MRPS28: variants seen among roughly 807,000 people sequenced by gnomAD.
MRPS28 encodes mitochondrial ribosomal protein S28.
Under a neutral mutation model 10.8 loss-of-function variants are expected in MRPS28, and 7 were observed. The observed-to-expected ratio is 0.65, with a 90% CI of 0.37 to 1.22. The LOEUF (loss-of-function observed/expected upper bound fraction) is 1.22. MRPS28 is among the 50% of genes most tolerant of loss of function. The probability of loss-of-function intolerance (pLI) is 0.02; values close to 1 mark genes in which losing one functional copy is unlikely to be tolerated. For missense variants in MRPS28, 265 were observed against 232.9 expected, an observed-to-expected ratio of 1.14 and a Z score of -0.90; for synonymous variants, 121 against 93.3, an observed-to-expected ratio of 1.30 and a Z score of -1.71.
At chr8:79,923,363 G>T (rs1320510053) in intron 2 of MRPS28, among the ~76,000 whole-genome samples, 2 of 151,998 alleles carry the variant, frequency 1.3e-5, no homozygotes, top group Non-Finnish European at 2.9e-5. Context: ...CTTTAGGAGT[G>T]GTAAGAATTT....
intron 2 of MRPS28, among the ~76,000 whole-genome samples, chr8:79,921,842 G>A (rs922388993): frequency 2.6e-5 from 4 of 152,128 alleles, no homozygotes; most frequent in African/African-American, 9.7e-5. Context: ...GGTGAGAGAG[G>A]GCATCCCTGT....
At chr8:79,925,375 A>G (rs1810205701) in intron 2 of MRPS28, among the ~76,000 whole-genome samples, 1 of 152,188 alleles carries the variant, frequency 6.6e-6, no homozygotes, top group South Asian at 2.1e-4. Flanking sequence ...GAGACTGTTC[A>G]TATACCAAAA....
At chr8:79,940,528 A>G (rs1380786931) in intron 2 of MRPS28, among the ~76,000 whole-genome samples, 1 of 152,246 alleles carries the variant, frequency 6.6e-6, no homozygotes, top group Non-Finnish European at 1.5e-5. Context: ...ATGATTAAGA[A>G]GTTCTGCCTT....
chr8:80,028,107 C>T (rs1046611673), intron 1 of MRPS28, among the ~76,000 whole-genome samples: 25 of 152,198 alleles, frequency 1.6e-4, no homozygotes, highest in African/African-American at 5.8e-4. Context: ...ATTAAATAAA[C>T]AGTACATTTT....
chr8:79,919,248 G>T, intron 2 of MRPS28, 100 bp from the exon 3 acceptor site: 1 of 924,786 alleles, frequency 1.1e-6, no homozygotes, highest in Non-Finnish European at 1.5e-6. Context: ...ATTTGTGTTA[G>T]CTCAAGATGA....
At chr8:79,941,831 G>T (rs1164433524) in intron 2 of MRPS28, among the ~76,000 whole-genome samples, 1 of 152,176 alleles carries the variant, frequency 6.6e-6, no homozygotes, top group African/African-American at 2.4e-5. Context: ...TTCCACTGCA[G>T]TATCCATCAT....
At chr8:80,018,244 C>T (rs1016255315) in intron 1 of MRPS28, among the ~76,000 whole-genome samples, 2 of 121,824 alleles carry the variant, frequency 1.6e-5, no homozygotes, top group African/African-American at 3.3e-5. Context: ...CGCAGTGAGC[C>T]GAGATCGTGC....
intron 2 of MRPS28, among the ~76,000 whole-genome samples, chr8:79,950,240 G>T (rs1807045943): frequency 6.6e-6 from 1 of 152,056 alleles, no homozygotes; most frequent in Non-Finnish European, 1.5e-5. Flanking sequence ...TTTTTATGGT[G>T]GTGGTAATCT....
intron 2 of MRPS28, among the ~76,000 whole-genome samples, chr8:79,980,765 AAATT>A (rs1161030217): frequency 6.6e-6 from 1 of 152,230 alleles, no homozygotes; most frequent in East Asian, 1.9e-4. Context: ...GGACATTTAA[AAATT>A]ATTTTCTCCA....
chr8:79,988,480 G>A (rs1170047453), intron 2 of MRPS28, among the ~76,000 whole-genome samples: 2 of 150,552 alleles, frequency 1.3e-5, no homozygotes, highest in African/African-American at 4.9e-5. Flanking sequence ...AAACCTAACT[G>A]TGATATATTT....
intron 2 of MRPS28, among the ~76,000 whole-genome samples, chr8:79,982,366 T>A (rs1172476271): frequency 6.6e-6 from 1 of 152,230 alleles, no homozygotes; most frequent in East Asian, 1.9e-4. Flanking sequence ...TGCATTTCCA[T>A]CTGAGGTACT....
chr8:79,920,314 G>A lies in MRPS28; in HGVS notation c.396-1166C>T, dbSNP rs1810055165. On this transcript the variant is annotated intron_variant, in intron 2 of 2. Transcript: ENST00000276585. ...CCTTTGGGTATATACCCAGTAATGA[G>A]ATGGCTGGGTCAAATGGTATTTCTA... 2.0e-5 allele frequency among the ~76,000 whole-genome samples: 3 copies of A among 152,278 alleles called. No homozygotes were observed. In the South Asian group the frequency reaches 6.2e-4, roughly 32 times the overall value.
At position 80,025,584 on chromosome 8, in the gene MRPS28, C is replaced by T. The variant is rs574127422; in HGVS notation, c.213+4452G>A. 5.3e-5 allele frequency among the ~76,000 whole-genome samples: 8 copies of T among 152,226 alleles called. No individual in the cohort carries two copies. In the South Asian group the frequency reaches 1.0e-3, roughly 20 times the overall value. On this transcript the variant is annotated intron_variant, in intron 1 of 2. Coordinates refer to ENST00000276585, the MANE Select transcript of MRPS28 (RefSeq NM_014018.3). ...TATGCTACATCCACACCATGGAATA[C>T]CAAGCAAATATTATGTAATGATAAG...
At chr8:80,029,991 G>T (rs769204053) in intron 1 of MRPS28, 45 bp downstream of exon 1, 18 of 1,598,698 alleles carry the variant, frequency 1.1e-5, no homozygotes, top group South Asian at 2.2e-5. Context: ...CCACCGCGTC[G>T]TTGGCGTAAT....
chr8:79,984,561 A>G (rs1320011125), intron 2 of MRPS28, among the ~76,000 whole-genome samples: 2 of 152,206 alleles, frequency 1.3e-5, no homozygotes, highest in Non-Finnish European at 2.9e-5. Context: ...ATAGGCTCAA[A>G]ATAAAGGGAT....
intron 1 of MRPS28, among the ~76,000 whole-genome samples, chr8:80,016,244 T>C (rs1336552315): frequency 6.6e-6 from 1 of 152,100 alleles, no homozygotes; most frequent in Non-Finnish European, 1.5e-5. Flanking sequence ...TATAGTATCA[T>C]TTTCAAACTA....
intron 1 of MRPS28, among the ~76,000 whole-genome samples, chr8:80,017,695 T>G (rs1809232429): frequency 6.6e-6 from 1 of 152,206 alleles, no homozygotes; most frequent in South Asian, 2.1e-4. Flanking sequence ...AAACCAATTC[T>G]CTACAATCTC....
At chr8:80,017,548 T>C (rs975100587) in intron 1 of MRPS28, among the ~76,000 whole-genome samples, 7 of 152,162 alleles carry the variant, frequency 4.6e-5, no homozygotes, top group African/African-American at 1.7e-4. Context: ...AAAATTCAAG[T>C]AAGAAGAACA....
intron 2 of MRPS28, among the ~76,000 whole-genome samples, chr8:79,940,194 G>C (rs1806730437): frequency 6.6e-6 from 1 of 151,944 alleles, no homozygotes; most frequent in Non-Finnish European, 1.5e-5. Flanking sequence ...AAGATATTAG[G>C]TTTTAAAACA....
Sources: allele counts gnomAD v4.1 joint callset (sites outside exome capture counted in the v4.1 genomes callset), GRCh38; gene constraint gnomAD v4.1.1; transcripts MANE v1.5; gene names NCBI Gene and HGNC (gene_info 2026-07-23, HGNC 2026-07-21).